Variants in EFHB observed in about 807,000 individuals in gnomAD.
The protein encoded by EFHB is EF-hand domain-containing family member B.
EFHB carries 91 observed loss-of-function variants against 87.2 expected under a neutral mutation model. That is an observed-to-expected ratio of 1.04 (90% CI 0.88 to 1.24). The LOEUF (loss-of-function observed/expected upper bound fraction) is 1.24, where lower values mean the gene tolerates loss of function less well. Among genes scored for constraint, EFHB ranks in the 50% most tolerant of loss-of-function variants. The pLI, the probability that EFHB is intolerant of heterozygous loss-of-function variation, is 0.00. For synonymous variants in EFHB, 325 were observed against 333.6 expected, an observed-to-expected ratio of 0.97 and a Z score of 0.28; for missense variants, 1,084 against 998.8, an observed-to-expected ratio of 1.09 and a Z score of -1.15.
chr3:19,935,278 C>T (rs546797716), upstream of EFHB, among the ~76,000 whole-genome samples: 1 of 152,150 alleles, frequency 6.6e-6, no homozygotes, highest in African/African-American at 2.4e-5. Flanking sequence ...GATAATGTGG[C>T]AAACTAAAAC....
chr3:19,919,918 A>G lies in EFHB; in HGVS notation c.911T>C (p.Val304Ala). Reference sequence around the variant, plus strand: ...TGCTCTTCCGTAAAATACTCTTTCTACTCCAGCAGGTGGATATCTGAAGTT... The same window carrying G: ...TGCTCTTCCGTAAAATACTCTTTCTGCTCCAGCAGGTGGATATCTGAAGTT... Reference protein sequence around the residue: ...YFNFRYPPAGVERVFYGRAND... With the variant: ...YFNFRYPPAGAERVFYGRAND... Residue 304 changes from valine (V) to alanine (A), a missense_variant, in exon 3 of 13, where the codon GTA becomes GCA. Coordinates refer to ENST00000295824, the MANE Select transcript of EFHB (RefSeq NM_144715.4). 2 of 1,613,580 alleles carry G rather than the reference A, an allele frequency of 1.2e-6. No individual in the cohort carries two copies. The highest frequency in any genetic ancestry group is 1.7e-6 in the Non-Finnish European group (2 of 1,179,728).
chr3:19,905,261 A>G (rs1010590684), intron 6 of EFHB, among the ~76,000 whole-genome samples: 6 of 152,236 alleles, frequency 3.9e-5, no homozygotes, highest in African/African-American at 9.6e-5. Context: ...CAATAAATAA[A>G]TAAATAAATT....
At chr3:19,924,493 T>A (rs946168300) in intron 1 of EFHB, among the ~76,000 whole-genome samples, 2 of 152,174 alleles carry the variant, frequency 1.3e-5, no homozygotes, top group African/African-American at 2.4e-5. Flanking sequence ...ATTACAGGCA[T>A]GAGCCACTGC....
At chr3:19,917,217 A>AAT (rs1260770714) in intron 4 of EFHB, among the ~76,000 whole-genome samples, 1 of 149,754 alleles carries the variant, frequency 6.7e-6, no homozygotes, top group African/African-American at 2.4e-5. Flanking sequence ...TATAAATATA[A>AAT]ATATATATAG....
intron 9 of EFHB, among the ~76,000 whole-genome samples, chr3:19,892,509 C>A (rs1410587424): frequency 6.6e-6 from 1 of 152,172 alleles, no homozygotes; most frequent in Non-Finnish European, 1.5e-5. Context: ...GGACATGGTG[C>A]AACAGCACCA....
At position 19,942,352 on chromosome 3, in the gene EFHB, G is replaced by T; in HGVS notation, c.-32+4567C>A. 2.0e-5 allele frequency: 3 copies of T among 152,922 alleles called. No individual in the cohort carries two copies. In the South Asian group the frequency reaches 5.8e-4, roughly 30 times the overall value. 9.5% of individuals were successfully genotyped at this position (152,922 alleles called of 1,614,324 possible). On this transcript the variant is annotated intron_variant, in intron 1 of 14. Coordinates refer to the EFHB transcript ENST00000344838. ...ATGCTGAGAATCATTAAACCAAGCT[G>T]ATATTGTGACCACAGCATTGGTAAC... is the stretch of plus-strand genomic sequence containing the variant.
intron 4 of EFHB, among the ~76,000 whole-genome samples, chr3:19,917,736 A>G (rs184272433): frequency 5.2e-4 from 79 of 152,300 alleles, no homozygotes; most frequent in African/African-American, 1.8e-3. Context: ...TCAGAGTGGA[A>G]GTCAACTATG....
At chr3:19,936,107 A>T (rs1338306342), upstream of EFHB, 7 of 1,324,314 alleles carry the variant, frequency 5.3e-6, no homozygotes, top group African/African-American at 9.1e-5. Flanking sequence ...ATATTTTTTT[A>T]AAAGTGTGTA....
intron 1 of EFHB, among the ~76,000 whole-genome samples, chr3:19,925,702 T>C (rs1473169171): frequency 6.6e-6 from 1 of 152,134 alleles, no homozygotes; most frequent in Non-Finnish European, 1.5e-5. Context: ...ACCTCTTTCA[T>C]TTATCATACA....
At chr3:19,931,062 C>T (rs139564598) in intron 1 of EFHB, among the ~76,000 whole-genome samples, 1 of 152,276 alleles carries the variant, frequency 6.6e-6, no homozygotes, top group African/African-American at 2.4e-5. Context: ...TACTGGGAGG[C>T]TGAGGCACAA....
At chr3:19,924,888 T>A (rs994945153) in intron 1 of EFHB, among the ~76,000 whole-genome samples, 4 of 151,700 alleles carry the variant, frequency 2.6e-5, no homozygotes, top group Non-Finnish European at 5.9e-5. Context: ...AAAAAAGAAA[T>A]AAAGATCTGG....
intron 1 of EFHB, among the ~76,000 whole-genome samples, chr3:19,931,963 A>T (rs918381420): frequency 6.6e-5 from 10 of 152,148 alleles, no homozygotes; most frequent in Admixed American, 4.6e-4. Flanking sequence ...CAATTGTCTC[A>T]TATTACCAAG....
At chr3:19,885,013 G>A (rs1694048043) in intron 10 of EFHB, among the ~76,000 whole-genome samples, 1 of 151,946 alleles carries the variant, frequency 6.6e-6, no homozygotes, top group Non-Finnish European at 1.5e-5. Flanking sequence ...CCTGAGGTCA[G>A]GAGTTCGAGA....
At chr3:19,903,967 G>T (rs999546563) in intron 6 of EFHB, among the ~76,000 whole-genome samples, 3 of 152,100 alleles carry the variant, frequency 2.0e-5, no homozygotes, top group African/African-American at 7.2e-5. Flanking sequence ...CCTATCCTGT[G>T]GAGTTCTTAG....
chr3:19,945,484 T>C lies in EFHB; in HGVS notation c.-32+1435A>G, dbSNP rs75658054. Among the ~76,000 whole-genome samples, 663 of 152,232 alleles carry C rather than the reference T, an allele frequency of 4.4e-3. 3 individuals are homozygous for C. Among genetic ancestry groups the C allele is most frequent in the Non-Finnish European group, 7.0e-3 (474 of 68,014 alleles). ...GATAATTTGTTGATAGAATGGACAA[T>C]GGTTTGTGAGGAGAAGAAAGAGGTG... On this transcript the variant is annotated intron_variant, in intron 1 of 14. Transcript: ENST00000344838.
At chr3:19,945,823 T>C (rs967519220) in intron 1 of EFHB, 32 of 152,296 alleles carry the variant, frequency 2.1e-4, no homozygotes, top group African/African-American at 6.0e-4. Context: ...ATCATCTTAA[T>C]TGCACAATGC....
intron 1 of EFHB, among the ~76,000 whole-genome samples, chr3:19,922,140 G>C (rs1477785316): frequency 6.6e-6 from 1 of 152,084 alleles, no homozygotes; most frequent in African/African-American, 2.4e-5. Context: ...ACTCCAGCCT[G>C]GGCAACAAGA....
At chr3:19,880,457 G>A (rs1339428426) in intron 12 of EFHB, among the ~76,000 whole-genome samples, 1 of 151,958 alleles carries the variant, frequency 6.6e-6, no homozygotes, top group Non-Finnish European at 1.5e-5. Flanking sequence ...TCACCATGCT[G>A]GCCAGGCTGG....
At chr3:19,921,898 C>G (rs1695450435) in intron 1 of EFHB, among the ~76,000 whole-genome samples, 1 of 152,130 alleles carries the variant, frequency 6.6e-6, no homozygotes. Context: ...GGCAAGGTGG[C>G]TCACACCTGT....
Sources: gnomAD v4.1 joint callset for allele counts (sites outside exome capture counted in the v4.1 genomes callset) on GRCh38, gnomAD v4.1.1 for gene constraint, MANE v1.5 for transcripts, NCBI Gene and HGNC (gene_info 2026-07-23, HGNC 2026-07-21) for gene names.